PPP1R12A: variants seen among roughly 807,000 people sequenced by gnomAD.
PPP1R12A encodes myosin binding subunit.
A neutral mutation model predicts 139.6 loss-of-function variants in PPP1R12A; 19 were observed. The ratio of observed to expected loss-of-function variants is 0.14; its 90% confidence interval spans 0.09 to 0.20. The LOEUF is 0.20. Among genes scored for constraint, PPP1R12A ranks in the 10% least tolerant of loss-of-function variants. PPP1R12A has a pLI of 1.00. For missense variants in PPP1R12A, 925 were observed against 1,211.5 expected, an observed-to-expected ratio of 0.76 and a Z score of 3.51; for synonymous variants, 427 against 420.6, an observed-to-expected ratio of 1.02 and a Z score of -0.19.
intron 1 of PPP1R12A, among the ~76,000 whole-genome samples, chr12:79,919,588 A>C (rs573718005): frequency 6.6e-6 from 1 of 151,846 alleles, no homozygotes; most frequent in African/African-American, 2.4e-5. Flanking sequence ...CCCTCCCCCA[A>C]TCTAGGTGAA....
intron 1 of PPP1R12A, among the ~76,000 whole-genome samples, chr12:79,914,872 C>G (rs1393948326): frequency 6.6e-6 from 1 of 151,748 alleles, no homozygotes; most frequent in East Asian, 1.9e-4. Flanking sequence ...AAAAAAAAAT[C>G]TGGATTTGTT....
chr12:79,920,381 T>A (rs935449102), intron 1 of PPP1R12A, among the ~76,000 whole-genome samples: 1 of 152,196 alleles, frequency 6.6e-6, no homozygotes, highest in Non-Finnish European at 1.5e-5. Context: ...CACCTAAGAG[T>A]AGAACTGCTG....
intron 3 of PPP1R12A, among the ~76,000 whole-genome samples, chr12:79,841,458 T>C (rs1281885618): frequency 2.0e-5 from 3 of 152,182 alleles, no homozygotes; most frequent in Admixed American, 6.5e-5. Flanking sequence ...TTAAGAAGGA[T>C]TGTCTTGCTT....
chr12:79,861,601 C>A (rs1236167911), intron 2 of PPP1R12A, among the ~76,000 whole-genome samples: 2 of 152,132 alleles, frequency 1.3e-5, no homozygotes, highest in Non-Finnish European at 2.9e-5. Context: ...GCAGTATACT[C>A]CTGCCCAAAT....
intron 1 of PPP1R12A, among the ~76,000 whole-genome samples, chr12:79,899,231 AAAATATATATATATATATATATAT>A (rs1483850836): frequency 5.7e-5 from 7 of 122,664 alleles, no homozygotes; most frequent in African/African-American, 1.8e-4. Context: ...AGAGATCTTA[AAAATATATATATATATATATATAT>A]ATATATATAT....
At chr12:79,863,036 A>G (rs1290491173) in intron 2 of PPP1R12A, among the ~76,000 whole-genome samples, 4 of 152,194 alleles carry the variant, frequency 2.6e-5, no homozygotes, top group Non-Finnish European at 4.4e-5. Context: ...CAAAGTTGAA[A>G]TGAAGGAAAA....
At chr12:79,826,277 TG>T (rs1440705737) in intron 5 of PPP1R12A, among the ~76,000 whole-genome samples, 1 of 151,640 alleles carries the variant, frequency 6.6e-6, no homozygotes, top group African/African-American at 2.4e-5. Flanking sequence ...TTAGGTAATA[TG>T]TGTAAAAAAG....
At position 79,816,818 on chromosome 12, in the gene PPP1R12A, A is replaced by C. The variant is rs764906602; in HGVS notation, c.1239+576T>G. Among the ~76,000 whole-genome samples, 158 of 152,204 alleles carry C rather than the reference A, an allele frequency of 1.0e-3. 1 individual carries two copies. The highest frequency in any genetic ancestry group is 1.6e-3 in the Non-Finnish European group (112 of 68,020). On this transcript the variant is annotated intron_variant, in intron 9 of 24. Coordinates refer to ENST00000450142, the MANE Select transcript of PPP1R12A (RefSeq NM_002480.3). The stretch of plus-strand genomic sequence containing the variant: ...GATAGTAAGTAACTTGCTCAAGGTC[A>C]TAACAACTAATAAGGTAGAGTCAGG...
intron 9 of PPP1R12A, among the ~76,000 whole-genome samples, chr12:79,813,590 G>C (rs561576524): frequency 1.5e-4 from 23 of 151,992 alleles, no homozygotes; most frequent in African/African-American, 5.5e-4. Context: ...CCATATAGAA[G>C]AATAGATAAT....
chr12:79,830,091 T>C (rs758369922), intron 4 of PPP1R12A, among the ~76,000 whole-genome samples: 4 of 151,820 alleles, frequency 2.6e-5, no homozygotes, highest in Non-Finnish European at 4.4e-5. Flanking sequence ...ATAAGTAATA[T>C]GTTCACAAAG....
intron 4 of PPP1R12A, among the ~76,000 whole-genome samples, chr12:79,830,139 C>G (rs1435314954): frequency 2.6e-5 from 4 of 151,960 alleles, no homozygotes; most frequent in Non-Finnish European, 5.9e-5. Flanking sequence ...ATAGGGACAT[C>G]ACTCTCTCAC....
chr12:79,790,566 A>T, intron 19 of PPP1R12A, 83 bp from the exon 20 acceptor site: 1 of 989,166 alleles, frequency 1.0e-6, no homozygotes, highest in Non-Finnish European at 1.4e-6. Flanking sequence ...AGTAAATTTA[A>T]TGTAGTATCA....
intron 5 of PPP1R12A, among the ~76,000 whole-genome samples, chr12:79,823,011 A>AAT (rs960756660): frequency 7.2e-5 from 11 of 152,064 alleles, no homozygotes; most frequent in Admixed American, 4.6e-4. Context: ...TAAAACTAAA[A>AAT]ATATATATAT....
chr12:79,928,897 T>C (rs1888045290), intron 1 of PPP1R12A, among the ~76,000 whole-genome samples: 1 of 152,226 alleles, frequency 6.6e-6, no homozygotes, highest in Admixed American at 6.5e-5. Context: ...AAGGATTTCA[T>C]ATTAAACCTA....
chr12:79,795,859 C>G, intron 17 of PPP1R12A, 100 bp from the exon 18 acceptor site: 1 of 1,140,726 alleles, frequency 8.8e-7, no homozygotes, highest in Non-Finnish European at 1.2e-6. Context: ...AGGGGACTAT[C>G]TAGGGGGATG....
chr12:79,876,302 G>A (rs187427614), intron 1 of PPP1R12A, among the ~76,000 whole-genome samples: 3 of 152,298 alleles, frequency 2.0e-5, no homozygotes, highest in Non-Finnish European at 2.9e-5. Flanking sequence ...CAGAATGAGC[G>A]TTTACTGAGA....
chr12:79,910,305 C>T (rs1398541485), intron 1 of PPP1R12A, among the ~76,000 whole-genome samples: 1 of 151,840 alleles, frequency 6.6e-6, no homozygotes, highest in African/African-American at 2.4e-5. Context: ...CATGGAGAAA[C>T]CTTGTCTCCA....
chr12:79,781,916 G>T, intron 22 of PPP1R12A, 54 bp from the exon 23 acceptor site: 1 of 1,055,866 alleles, frequency 9.5e-7, no homozygotes, highest in South Asian at 1.5e-5. Flanking sequence ...GTTCAGGGGT[G>T]ACCACAGTAA....
intron 23 of PPP1R12A, chr12:79,779,463 T>A: frequency 5.0e-6 from 4 of 801,498 alleles, no homozygotes; most frequent in Non-Finnish European, 7.3e-6. Context: ...GTACATTTAC[T>A]GTAAATGTTA....
Sources: gnomAD v4.1 joint callset for allele counts (sites outside exome capture counted in the v4.1 genomes callset) on GRCh38, gnomAD v4.1.1 for gene constraint, MANE v1.5 for transcripts, NCBI Gene and HGNC (gene_info 2026-07-23, HGNC 2026-07-21) for gene names.